The following TPD52L1 variants were observed in gnomAD, a reference collection of about 807,000 sequenced individuals.
TPD52L1 encodes the protein tumor protein D53.
In TPD52L1, 18 loss-of-function variants were observed where a neutral mutation model predicts 28.7. The ratio of observed to expected loss-of-function variants is 0.63; its 90% CI spans 0.43 to 0.93. The LOEUF (loss-of-function observed/expected upper bound fraction) is 0.93. Among genes scored for constraint, TPD52L1 ranks in the 40% least tolerant of loss-of-function variants. The pLI is 0.00. For synonymous variants in TPD52L1, 75 were observed against 88.8 expected (o/e 0.84, Z 0.88); for missense variants, 203 against 254.8 (o/e 0.80, Z 1.39).
chr6:125,176,274 T>C (rs1791817598), intron 1 of TPD52L1, among the ~76,000 whole-genome samples: 1 of 152,238 alleles, frequency 6.6e-6, no homozygotes, highest in Admixed American at 6.5e-5. Context: ...GTCCGTATTC[T>C]TGTTGCTTAA....
rs1388589386 is a variant in TPD52L1, at chr6:125,233,552, T to C, written c.284+4286T>C. ...CAAGGCAGGAAGTAGATTCTTTTCT[T>C]CTAGATTCAAGTGGTAAATTTATGT... is the stretch of plus-strand genomic sequence containing the variant. On this transcript the variant is annotated intron_variant, in intron 3 of 6. Coordinates refer to ENST00000534000, the MANE Select transcript of TPD52L1 (RefSeq NM_003287.4). Among the ~76,000 whole-genome samples, 4 of 152,326 alleles carry C rather than the reference T, an allele frequency of 2.6e-5. No homozygotes were observed. In the East Asian group the frequency reaches 7.7e-4, roughly 29 times the overall value.
chr6:125,154,825 C>T (rs1394716240), intron 1 of TPD52L1, among the ~76,000 whole-genome samples: 2 of 152,114 alleles, frequency 1.3e-5, no homozygotes, highest in Non-Finnish European at 2.9e-5. Flanking sequence ...GGAGCAACGC[C>T]CAGAAGGGAT....
chr6:125,200,393 T>C (rs1275321092), intron 1 of TPD52L1, among the ~76,000 whole-genome samples: 1 of 152,356 alleles, frequency 6.6e-6, no homozygotes, highest in East Asian at 1.9e-4. Context: ...AAGATATACA[T>C]GGTTTTTTGA....
chr6:125,188,531 T>G (rs1387558445), intron 1 of TPD52L1, among the ~76,000 whole-genome samples: 1 of 152,214 alleles, frequency 6.6e-6, no homozygotes, highest in African/African-American at 2.4e-5. Context: ...TTATATCACA[T>G]TGAGTTGTGT....
At chr6:125,227,648 A>G (rs1321484) in intron 2 of TPD52L1, among the ~76,000 whole-genome samples, 22,397 of 152,202 alleles carry the variant, frequency 0.15, 2,028 homozygotes, top group East Asian at 0.29. Flanking sequence ...AAGTCACAAA[A>G]TTTGTTTTCC....
chr6:125,179,136 A>G (rs1792021629), intron 1 of TPD52L1, among the ~76,000 whole-genome samples: 1 of 152,256 alleles, frequency 6.6e-6, no homozygotes, highest in African/African-American at 2.4e-5. Flanking sequence ...AATTCTGGGC[A>G]TCCCTCTTGG....
At chr6:125,240,251 G>A (rs1766017510) in intron 3 of TPD52L1, among the ~76,000 whole-genome samples, 1 of 152,132 alleles carries the variant, frequency 6.6e-6, no homozygotes, top group South Asian at 2.1e-4. Context: ...TTGAAGTCTG[G>A]TAATGTGATA....
At chr6:125,176,881 T>TA (rs1486466190) in intron 1 of TPD52L1, among the ~76,000 whole-genome samples, 2 of 151,556 alleles carry the variant, frequency 1.3e-5, no homozygotes, top group African/African-American at 4.8e-5. Flanking sequence ...TACAAAAAAA[T>TA]AAAAAAATTA....
chr6:125,185,894 A>ATTTTTTT lies in TPD52L1; in HGVS notation c.19+31935_19+31941dup, dbSNP rs536833440. On this transcript the variant is annotated intron_variant, in intron 1 of 6. Coordinates refer to ENST00000534000, the MANE Select transcript of TPD52L1 (RefSeq NM_003287.4). ...CCATGTATAACTTTTTGGAAATTTG[A>ATTTTTTT]TTTTTTTTTTTTTTTTTGAGACAGA... Among the ~76,000 whole-genome samples, 3,624 of 130,300 alleles carry ATTTTTTT rather than the reference A, an allele frequency of 0.028. 251 individuals carry two copies. The East Asian group carries it at 0.28, about 10-fold the overall frequency. 85.5% of individuals were successfully genotyped at this position (130,300 alleles called of 152,430 possible). A position where few individuals can be genotyped will look rare whatever the true frequency, so the allele number is the denominator to read the frequency against.
chr6:125,164,061 T>C (rs1183138961), intron 1 of TPD52L1, among the ~76,000 whole-genome samples: 2 of 152,100 alleles, frequency 1.3e-5, no homozygotes, highest in East Asian at 3.8e-4. Flanking sequence ...CTTGGAAGTG[T>C]TGGAGTTGGG....
rs1554203761 is a variant in TPD52L1, at chr6:125,180,569, T to TATATACACAC, written c.19+26600_19+26601insTATACACACA. 3.5e-4 allele frequency among the ~76,000 whole-genome samples: 52 copies of TATATACACAC among 150,264 alleles called. No homozygotes were observed. In the East Asian group the frequency reaches 4.9e-3, roughly 14 times the overall value. ...TACACACACACACATATATTATATATACACACACACACACACACACACACA... is the reference window on the plus strand; with the variant it reads ...TACACACACACACATATATTATATATATATACACACACACACACACACACACACACACACA... On this transcript the variant is annotated intron_variant, in intron 1 of 6. Coordinates refer to ENST00000534000, the MANE Select transcript of TPD52L1 (RefSeq NM_003287.4).
intron 1 of TPD52L1, among the ~76,000 whole-genome samples, chr6:125,172,511 G>GATAT (rs1582854640): frequency 1.5e-4 from 2 of 13,642 alleles, no homozygotes; most frequent in East Asian, 4.0e-3. Flanking sequence ...CCTCTTTCAT[G>GATAT]CTATATATAT....
chr6:125,161,791 G>A (rs992742811), intron 1 of TPD52L1, among the ~76,000 whole-genome samples: 20 of 152,108 alleles, frequency 1.3e-4, no homozygotes, highest in Non-Finnish European at 2.4e-4. Context: ...CACCATAACC[G>A]ATTTAATAAT....
At position 125,263,171 on chromosome 6, in the gene TPD52L1, A is replaced by C; in HGVS notation, c.*209A>C. Reference sequence around the variant, plus strand: ...TTGACCATCACATTTCAGTATTCATAGATGACTGTCACATTTTAAAATGTT... The same window carrying C: ...TTGACCATCACATTTCAGTATTCATCGATGACTGTCACATTTTAAAATGTT... On this transcript the variant is annotated 3_prime_UTR_variant, in exon 7 of 7. Transcript: ENST00000534000. 2 of 578,144 alleles carry C rather than the reference A, an allele frequency of 3.5e-6. No individual in the cohort carries two copies. The highest frequency in any genetic ancestry group is 4.8e-5 in the South Asian group (2 of 41,734). The allele number at this position is 578,144 out of a possible 1,614,324, so 35.8% of individuals were successfully genotyped here. A position where few individuals can be genotyped will look rare whatever the true frequency, so the allele number is the denominator to read the frequency against.
At chr6:125,211,518 G>A (rs1234439701) in intron 1 of TPD52L1, among the ~76,000 whole-genome samples, 2 of 152,126 alleles carry the variant, frequency 1.3e-5, no homozygotes, top group Non-Finnish European at 2.9e-5. Flanking sequence ...GTGATTTCCG[G>A]GAGGTGACAG....
At chr6:125,216,557 A>G (rs1445335527) in intron 1 of TPD52L1, among the ~76,000 whole-genome samples, 1 of 143,128 alleles carries the variant, frequency 7.0e-6, no homozygotes, top group African/African-American at 2.5e-5. Flanking sequence ...ATATATATAT[A>G]TATATATATA....
At chr6:125,186,214 G>T (rs1792617184) in intron 1 of TPD52L1, among the ~76,000 whole-genome samples, 1 of 152,124 alleles carries the variant, frequency 6.6e-6, no homozygotes, top group Admixed American at 6.5e-5. Flanking sequence ...CTAGAGCAGG[G>T]ATCTGCAAAC....
chr6:125,256,787 C>T (rs1797630027), intron 5 of TPD52L1, among the ~76,000 whole-genome samples: 1 of 152,210 alleles, frequency 6.6e-6, no homozygotes, highest in South Asian at 2.1e-4. Flanking sequence ...ACCCATTGCT[C>T]CACTGGCTCA....
intron 3 of TPD52L1, among the ~76,000 whole-genome samples, chr6:125,231,758 T>C (rs1795966818): frequency 6.6e-6 from 1 of 152,152 alleles, no homozygotes; most frequent in South Asian, 2.1e-4. Context: ...GTCTAGGCCT[T>C]TGACTTGGGC....
Sources: gnomAD v4.1 joint callset for allele counts (sites outside exome capture counted in the v4.1 genomes callset) on GRCh38, gnomAD v4.1.1 for gene constraint, MANE v1.5 for transcripts, NCBI Gene and HGNC (gene_info 2026-07-23, HGNC 2026-07-21) for gene names.